The following IPCEF1 variants were observed in gnomAD, a reference collection of about 807,000 sequenced individuals.
IPCEF1 encodes the protein interactor protein for cytohesin exchange factors 1.
IPCEF1 carries 31 observed loss-of-function variants against 50.9 expected under a neutral mutation model. The observed-to-expected ratio is 0.61, with a 90% CI of 0.46 to 0.82. IPCEF1 has a LOEUF of 0.82. Ranked by LOEUF, IPCEF1 falls within the 40% of genes least tolerant of loss-of-function variation. The pLI, the probability that IPCEF1 is intolerant of heterozygous loss-of-function variation, is 0.00. For missense variants in IPCEF1, 458 were observed against 514.0 expected, an observed-to-expected ratio of 0.89 and a Z score of 1.05; for synonymous variants, 181 against 192.0, an observed-to-expected ratio of 0.94 and a Z score of 0.47.
intron 1 of IPCEF1, among the ~76,000 whole-genome samples, chr6:154,331,405 A>AAGAAAGAAAGAAAGAGAG (rs60403800): frequency 2.2e-5 from 2 of 92,948 alleles, no homozygotes; most frequent in Non-Finnish European, 4.4e-5. Flanking sequence ...GAAAGAAAGA[A>AAGAAAGAAAGAAAGAGAG]AGAGAGAGAA....
intron 10 of IPCEF1, among the ~76,000 whole-genome samples, chr6:154,170,404 T>G (rs933376926): frequency 3.3e-5 from 5 of 152,198 alleles, no homozygotes; most frequent in Admixed American, 1.3e-4. Flanking sequence ...AAACTTCACA[T>G]GCCTTAGAGT....
At position 154,200,011 on chromosome 6, in the gene IPCEF1, G is replaced by A; in HGVS notation, c.567C>T (p.Pro189=). Residue 189 remains proline, a synonymous_variant, in exon 10 of 12, where the codon CCC becomes CCT. Coordinates refer to ENST00000367220, the MANE Select transcript of IPCEF1 (RefSeq NM_001130700.2). ...LTAQQASSSS[P]SLSGTSYSFS... Reference sequence around the variant, plus strand: ...AAGAATACGACGTTCCACTCAGGCTGGGTGAGGATGAAGATGCCTGCTGTG... The same window carrying A: ...AAGAATACGACGTTCCACTCAGGCTAGGTGAGGATGAAGATGCCTGCTGTG... 2 of 1,613,850 alleles carry A rather than the reference G, an allele frequency of 1.2e-6. No homozygotes were observed. Among genetic ancestry groups the A allele is most frequent in the Non-Finnish European group, 1.7e-6 (2 of 1,179,834 alleles).
intron 1 of IPCEF1, among the ~76,000 whole-genome samples, chr6:154,312,589 G>T (rs749204659): frequency 1.3e-5 from 2 of 151,800 alleles, no homozygotes; most frequent in Non-Finnish European, 1.5e-5. Context: ...CTCATGATCC[G>T]CCCGCCTCAG....
At chr6:154,226,785 A>C (rs1285223893) in intron 5 of IPCEF1, among the ~76,000 whole-genome samples, 2 of 152,142 alleles carry the variant, frequency 1.3e-5, no homozygotes, top group Non-Finnish European at 2.9e-5. Flanking sequence ...TCAAGTCTAA[A>C]TGCCTCAGCA....
chr6:154,238,958 C>T lies in IPCEF1; in HGVS notation c.246+7633G>A, dbSNP rs562356241. ...AAAAAAAAAGAAGTTGTGGAAACAC[C>T]GACAAAAGTACTATGCACTGTCCAC... is the stretch of plus-strand genomic sequence containing the variant. On this transcript the variant is annotated intron_variant, in intron 5 of 11. Transcript: ENST00000367220. Among the ~76,000 whole-genome samples, 19 of 151,742 alleles carry T rather than the reference C, an allele frequency of 1.3e-4. No individual in the cohort carries two copies. The South Asian group carries it at 4.0e-3, about 32-fold the overall frequency.
At chr6:154,244,216 A>C (rs2128639771) in intron 5 of IPCEF1, among the ~76,000 whole-genome samples, 1 of 152,232 alleles carries the variant, frequency 6.6e-6, no homozygotes, top group Admixed American at 6.5e-5. Flanking sequence ...GAGAAGAGGA[A>C]TATCACTGCT....
At chr6:154,235,009 T>C (rs1365309167) in intron 5 of IPCEF1, among the ~76,000 whole-genome samples, 1 of 152,224 alleles carries the variant, frequency 6.6e-6, no homozygotes, top group African/African-American at 2.4e-5. Context: ...GGCTGGTCTC[T>C]GCACCAGCAT....
rs757062377 is a variant in IPCEF1, at chr6:154,247,431, C to G, written c.76+18G>C. On this transcript the variant is annotated intron_variant, in intron 4 of 11. Coordinates refer to ENST00000367220, the MANE Select transcript of IPCEF1 (RefSeq NM_001130700.2). ...CGTACACAAAATGGAGATAAAGAAA[C>G]AAAAGAGATCTAATTACCTTGAGTT... 6.2e-7 allele frequency: 1 copy of G among 1,605,070 alleles called. No homozygotes were observed. Among genetic ancestry groups the G allele is most frequent in the Non-Finnish European group, 8.5e-7 (1 of 1,172,884 alleles).
chr6:154,344,119 C>G (rs1160096909), intron 1 of IPCEF1, among the ~76,000 whole-genome samples: 3 of 152,232 alleles, frequency 2.0e-5, no homozygotes, highest in East Asian at 1.9e-4. Flanking sequence ...ATCCACCACA[C>G]TCCGAGTCTC....
At chr6:154,313,647 A>G (rs11758400) in intron 1 of IPCEF1, among the ~76,000 whole-genome samples, 4,330 of 152,292 alleles carry the variant, frequency 0.028, 67 homozygotes, top group Middle Eastern at 0.075. Flanking sequence ...TAGGCAAGTA[A>G]ATTCCAAAAT....
chr6:154,261,017 C>A (rs1583916892), intron 3 of IPCEF1, among the ~76,000 whole-genome samples: 1 of 152,178 alleles, frequency 6.6e-6, no homozygotes, highest in African/African-American at 2.4e-5. Context: ...TCCCAACACA[C>A]AATGAGCCAG....
chr6:154,344,021 G>A (rs915526627), intron 1 of IPCEF1, among the ~76,000 whole-genome samples: 7 of 152,178 alleles, frequency 4.6e-5, no homozygotes, highest in Admixed American at 2.0e-4. Context: ...TGCAGGCTAC[G>A]TGAATGACAT....
intron 2 of IPCEF1, among the ~76,000 whole-genome samples, chr6:154,268,670 G>T (rs1193442056): frequency 1.3e-5 from 2 of 151,938 alleles, no homozygotes; most frequent in Admixed American, 6.6e-5. Flanking sequence ...TACAAGTGAG[G>T]CTTTGCACCA....
At chr6:154,340,498 A>G (rs62435712) in intron 1 of IPCEF1, among the ~76,000 whole-genome samples, 79,889 of 151,404 alleles carry the variant, frequency 0.53, 21,992 homozygotes, top group East Asian at 0.89. Context: ...TGATCTGCCC[A>G]CCTCAGCCCT....
chr6:154,235,531 CAA>C (rs34877577), intron 5 of IPCEF1, among the ~76,000 whole-genome samples: 14 of 97,584 alleles, frequency 1.4e-4, no homozygotes, highest in Non-Finnish European at 2.0e-4. Context: ...AACTCTGTCA[CAA>C]AAAAAAAAAA....
chr6:154,274,458 C>T (rs922204421), intron 2 of IPCEF1, among the ~76,000 whole-genome samples: 10 of 152,168 alleles, frequency 6.6e-5, no homozygotes, highest in African/African-American at 2.4e-4. Flanking sequence ...TTTCTTTCAG[C>T]CAATAATGTC....
intron 10 of IPCEF1, among the ~76,000 whole-genome samples, chr6:154,186,814 C>G (rs1801408802): frequency 6.6e-6 from 1 of 152,094 alleles, no homozygotes; most frequent in African/African-American, 2.4e-5. Context: ...CCTCGGCCTC[C>G]CAAAATGCTG....
intron 3 of IPCEF1, among the ~76,000 whole-genome samples, chr6:154,251,856 G>A (rs553868041): frequency 6.6e-4 from 100 of 152,134 alleles, no homozygotes; most frequent in African/African-American, 2.0e-3. Flanking sequence ...AAGAGAAGAC[G>A]GAAGAAGGAG....
rs1781920155 is a variant in IPCEF1 at position 154,272,328 on chromosome 6, C to T, written c.-17-6364G>A. 2.0e-5 allele frequency among the ~76,000 whole-genome samples: 3 copies of T among 152,192 alleles called. No homozygotes were observed. The South Asian group carries it at 6.2e-4, about 32-fold the overall frequency. On this transcript the variant is annotated intron_variant, in intron 2 of 11. Transcript: ENST00000367220. ...TAAAGGGATTGAACAAGTGTGATAA[C>T]AGGTTTCATCAAATAAAATAGCTTT... is the stretch of plus-strand genomic sequence containing the variant.
Sources: allele counts gnomAD v4.1 joint callset (sites outside exome capture counted in the v4.1 genomes callset), GRCh38; gene constraint gnomAD v4.1.1; transcripts MANE v1.5; gene names NCBI Gene and HGNC (gene_info 2026-07-23, HGNC 2026-07-21).